Variants in ZC4H2 observed in about 807,000 individuals in gnomAD.
The protein encoded by ZC4H2 is zinc finger C4H2-type containing, also known as zinc finger C4H2 domain-containing protein.
For missense variants in ZC4H2, 137 were observed against 173.9 expected, an observed-to-expected ratio of 0.79 and a Z score of 1.19; for synonymous variants, 84 against 66.3, an observed-to-expected ratio of 1.27 and a Z score of -1.30.
At chrX:65,013,139 C>A (rs1162456392) in intron 1 of ZC4H2, among the ~76,000 whole-genome samples, 1 of 111,381 alleles carries the variant, frequency 9.0e-6, no homozygotes, top group African/African-American at 3.3e-5. Context: ...CAAGGACCTG[C>A]CAGCTCAAAT....
chrX:64,942,285 C>T (rs1361845951), intron 1 of ZC4H2, among the ~76,000 whole-genome samples: 2 of 110,870 alleles, frequency 1.8e-5, no homozygotes, highest in African/African-American at 3.3e-5. Flanking sequence ...CTTCTCTTTT[C>T]TTTTTTATTA....
At chrX:64,998,189 ATAAAT>A (rs776180522) in intron 1 of ZC4H2, among the ~76,000 whole-genome samples, 135 of 111,959 alleles carry the variant, frequency 1.2e-3, no homozygotes, top group African/African-American at 3.7e-3. Context: ...CAAAATATAA[ATAAAT>A]TAAACTCTCA....
At chrX:64,994,172 C>T (rs1932364151) in intron 1 of ZC4H2, among the ~76,000 whole-genome samples, 1 of 111,929 alleles carries the variant, frequency 8.9e-6, no homozygotes, top group South Asian at 3.7e-4. Flanking sequence ...TTAGTATAGC[C>T]TAGGCACTGT....
In ZC4H2 at chrX:64,948,481, G is replaced by A. The variant is rs1243327350; in HGVS notation, c.54-26493C>T. 2.7e-5 allele frequency among the ~76,000 whole-genome samples: 3 copies of A among 111,888 alleles called. No homozygotes were observed. The East Asian group carries it at 8.4e-4, about 31-fold the overall frequency. ...CTAAGTTCATCAGGGGAATCTGAGA[G>A]CAAAGCCAATATTTTAGGTACAAAT... On this transcript the variant is annotated intron_variant, in intron 1 of 4. Coordinates refer to ENST00000374839, the MANE Select transcript of ZC4H2 (RefSeq NM_018684.4).
Position 64,969,875 on chromosome X carries a change from T to C in ZC4H2, c.53+6450A>G, listed in dbSNP as rs989315049. On this transcript the variant is annotated intron_variant, in intron 1 of 4. Coordinates refer to ENST00000374839, the MANE Select transcript of ZC4H2 (RefSeq NM_018684.4). The stretch of plus-strand genomic sequence containing the variant: ...GATGGGGAAGACTGGGAAATAAAAA[T>C]GTTTAGGGGTGGGGCTGGAGTTGAG... Among the ~76,000 whole-genome samples the C allele has an allele frequency of 5.5e-4, 61 of 111,361 alleles. 1 individual carries two copies. The highest frequency in any genetic ancestry group is 3.1e-3 in the East Asian group (11 of 3,517).
At chrX:64,990,050 G>C (rs1264786853) in intron 1 of ZC4H2, among the ~76,000 whole-genome samples, 2 of 111,859 alleles carry the variant, frequency 1.8e-5, no homozygotes, top group African/African-American at 6.5e-5. Context: ...CCAGAAAAAA[G>C]TGAAAATTTA....
chrX:64,974,913 C>T (rs1008656092), intron 1 of ZC4H2, among the ~76,000 whole-genome samples: 2 of 96,996 alleles, frequency 2.1e-5, no homozygotes, highest in African/African-American at 7.9e-5. Flanking sequence ...ATCGTTATGA[C>T]AGCTGGCATT....
At chrX:64,949,173 G>A (rs5964404) in intron 1 of ZC4H2, among the ~76,000 whole-genome samples, 15,810 of 111,038 alleles carry the variant, frequency 0.14, 2,692 homozygotes, top group African/African-American at 0.48. Flanking sequence ...GTACACTAAT[G>A]CCAGGGTGAA....
chrX:64,932,958 A>C (rs1197450836), intron 1 of ZC4H2, among the ~76,000 whole-genome samples: 1 of 111,256 alleles, frequency 9.0e-6, no homozygotes, highest in Non-Finnish European at 1.9e-5. Context: ...AAGTTTTCCA[A>C]ACTTTTAGAT....
At chrX:64,966,197 G>T (rs1224481058) in intron 1 of ZC4H2, among the ~76,000 whole-genome samples, 4 of 111,816 alleles carry the variant, frequency 3.6e-5, no homozygotes, top group Non-Finnish European at 5.6e-5. Context: ...CTCATGAAGA[G>T]ATACTCAACA....
chrX:64,955,942 T>C (rs928767223), intron 1 of ZC4H2, among the ~76,000 whole-genome samples: 26 of 111,736 alleles, frequency 2.3e-4, no homozygotes, highest in African/African-American at 8.1e-4. Flanking sequence ...TGGGTTAAAG[T>C]GAACATTATG....
intron 1 of ZC4H2, among the ~76,000 whole-genome samples, chrX:64,937,888 G>A (rs775496707): frequency 1.8e-5 from 2 of 111,323 alleles, no homozygotes; most frequent in East Asian, 5.7e-4. Flanking sequence ...AGAAGCAAGA[G>A]CAAACAAATT....
chrX:65,012,563 C>A (rs921237457), intron 1 of ZC4H2, among the ~76,000 whole-genome samples: 3 of 111,812 alleles, frequency 2.7e-5, no homozygotes, highest in Non-Finnish European at 5.6e-5. Flanking sequence ...ATCTGCTCAA[C>A]AATCATATTT....
chrX:64,916,737 T>G lies in ZC4H2; in HGVS notation c.*1046A>C, dbSNP rs1928947820. The G allele has an allele frequency of 9.0e-6, 1 of 111,375 alleles. No individual in the cohort carries two copies. The highest frequency in any genetic ancestry group is 9.5e-5 in the Admixed American group (1 of 10,487). The allele number at this position is 111,375 out of a possible 1,213,427, so 9.2% of individuals were successfully genotyped here. A position where few individuals can be genotyped will look rare whatever the true frequency, so the allele number is the denominator to read the frequency against. ...TTTTCTTTTGGGAGGAAAGGCCACC[T>G]GCACAATCCACAGGACAGGAGTGGC... On this transcript the variant is annotated 3_prime_UTR_variant, in exon 5 of 5. Coordinates refer to ENST00000374839, the MANE Select transcript of ZC4H2 (RefSeq NM_018684.4).
chrX:64,959,035 G>T (rs1931276534), intron 1 of ZC4H2, among the ~76,000 whole-genome samples: 1 of 111,118 alleles, frequency 9.0e-6, no homozygotes, highest in African/African-American at 3.3e-5. Context: ...GCAGCTATTT[G>T]TGACCATATG....
At chrX:64,946,581 G>GCA (rs61275459) in intron 1 of ZC4H2, among the ~76,000 whole-genome samples, 6,622 of 95,785 alleles carry the variant, frequency 0.069, 554 homozygotes, top group African/African-American at 0.22. Flanking sequence ...TTAAATGCGT[G>GCA]CACACACACA....
At chrX:64,930,593 A>G (rs915143464) in intron 1 of ZC4H2, among the ~76,000 whole-genome samples, 2 of 112,084 alleles carry the variant, frequency 1.8e-5, no homozygotes, top group Non-Finnish European at 1.9e-5. Flanking sequence ...TAATTTTATC[A>G]GATGCTTTTT....
chrX:65,015,648 G>C (rs1289962926), intron 1 of ZC4H2, among the ~76,000 whole-genome samples: 1 of 111,775 alleles, frequency 8.9e-6, no homozygotes, highest in Non-Finnish European at 1.9e-5. Context: ...TCTTTTCTCA[G>C]GTTCTTTTCT....
intron 1 of ZC4H2, among the ~76,000 whole-genome samples, chrX:65,003,198 G>A (rs1932584303): frequency 3.7e-5 from 4 of 107,971 alleles, no homozygotes; most frequent in East Asian, 2.9e-4. Flanking sequence ...GGTAAATAAC[G>A]AAATTAAGGC....
Sources: gnomAD v4.1 joint callset for allele counts (sites outside exome capture counted in the v4.1 genomes callset) on GRCh38, gnomAD v4.1.1 for gene constraint, MANE v1.5 for transcripts, NCBI Gene and HGNC (gene_info 2026-07-23, HGNC 2026-07-21) for gene names.